The following ZNF37A variants were observed in gnomAD, a reference collection of about 807,000 sequenced individuals.
The protein encoded by ZNF37A is zinc finger protein 37A.
A neutral mutation model predicts 12.3 loss-of-function variants in ZNF37A; 10 were observed. The observed-to-expected ratio is 0.82, with a 90% CI of 0.50 to 1.38. The LOEUF (loss-of-function observed/expected upper bound fraction) is 1.38. Ranked by LOEUF, ZNF37A falls within the 40% of genes most tolerant of loss-of-function variation. The pLI is 0.00. For synonymous variants in ZNF37A, 207 were observed against 223.0 expected, an observed-to-expected ratio of 0.93 and a Z score of 0.64; for missense variants, 580 against 651.2, an observed-to-expected ratio of 0.89 and a Z score of 1.19.
intron 5 of ZNF37A, among the ~76,000 whole-genome samples, chr10:38,106,041 AG>A (rs1564921808): frequency 6.6e-6 from 1 of 152,108 alleles, no homozygotes; most frequent in South Asian, 2.1e-4. Flanking sequence ...GTGGTGTGAA[AG>A]CACTATCATT....
intron 7 of ZNF37A, among the ~76,000 whole-genome samples, chr10:38,133,706 G>C (rs961729866): frequency 3.0e-4 from 45 of 152,190 alleles, no homozygotes; most frequent in Admixed American, 9.2e-4. Context: ...TCTTAACCCA[G>C]TCTATCATTG....
intron 7 of ZNF37A, among the ~76,000 whole-genome samples, chr10:38,135,940 CAT>C (rs2070101991): frequency 6.6e-6 from 1 of 152,132 alleles, no homozygotes; most frequent in Admixed American, 6.5e-5. Flanking sequence ...ACAGCCAAAC[CAT>C]ATCAGAGGCT....
rs948823011 is a variant in ZNF37A at position 38,123,127 on chromosome 10, CAA to C, written c.*4292_*4293del. 2 of 150,780 alleles carry C rather than the reference CAA, an allele frequency of 1.3e-5. No individual in the cohort carries two copies. Among genetic ancestry groups the C allele is most frequent in the African/African-American group, 4.9e-5 (2 of 40,740 alleles). 9.3% of individuals were successfully genotyped at this position (150,780 alleles called of 1,614,324 possible). A position where few individuals can be genotyped will look rare whatever the true frequency, so the allele number is the denominator to read the frequency against. On this transcript the variant is annotated 3_prime_UTR_variant, in exon 8 of 8. Transcript: ENST00000685332. The stretch of plus-strand genomic sequence containing the variant: ...AGTATCTCACATGGCAGGTGCAGGG[CAA>C]AGAGAGGGGGGAAGGGAAGTGCCAC...
At chr10:38,146,385 G>GT (rs2070254500) in intron 7 of ZNF37A, among the ~76,000 whole-genome samples, 1 of 152,136 alleles carries the variant, frequency 6.6e-6, no homozygotes, top group Admixed American at 6.5e-5. Flanking sequence ...GGGATTACAG[G>GT]TGTGACCACC....
chr10:38,108,546 C>G (rs1203547851), intron 5 of ZNF37A, among the ~76,000 whole-genome samples: 1 of 152,098 alleles, frequency 6.6e-6, no homozygotes, highest in African/African-American at 2.4e-5. Flanking sequence ...ATCAATGAAT[C>G]CAGGAGCTGG....
At position 38,119,582 on chromosome 10, in the gene ZNF37A, T is replaced by C. The variant is rs2136044180; in HGVS notation, c.*745T>C. On this transcript the variant is annotated 3_prime_UTR_variant, in exon 8 of 8. Transcript: ENST00000685332. Reference sequence around the variant, plus strand: ...GCAATTTAAGAAAATGTGGAAAAAATATTTTTATTGAGAAATAGCATTTTA... The same window carrying C: ...GCAATTTAAGAAAATGTGGAAAAAACATTTTTATTGAGAAATAGCATTTTA... 4.9e-6 allele frequency: 1 copy of C among 203,808 alleles called. No homozygotes were observed. Among genetic ancestry groups the C allele is most frequent in the South Asian group, 1.7e-4 (1 of 5,768 alleles). The allele number at this position is 203,808 out of a possible 1,614,324, so 12.6% of individuals were successfully genotyped here.
chr10:38,136,999 T>C (rs1167081141), intron 7 of ZNF37A, among the ~76,000 whole-genome samples: 1 of 152,204 alleles, frequency 6.6e-6, no homozygotes, highest in African/African-American at 2.4e-5. Context: ...TTTATAATTT[T>C]ATATCCTTTT....
At chr10:38,100,329 C>G (rs973544724) in intron 5 of ZNF37A, among the ~76,000 whole-genome samples, 2 of 152,068 alleles carry the variant, frequency 1.3e-5, no homozygotes, top group East Asian at 1.9e-4. Context: ...TGAGAGCAAC[C>G]GGTCTGACCA....
chr10:38,148,191 A>G (rs1405978480), exon 8 of ZNF37A: 1 of 152,222 alleles, frequency 6.6e-6, no homozygotes, highest in Admixed American at 6.5e-5. Context: ...TGGTTTATCT[A>G]CACTAAACCT....
At chr10:38,098,697 G>C (rs1430517301) in intron 5 of ZNF37A, among the ~76,000 whole-genome samples, 1 of 152,054 alleles carries the variant, frequency 6.6e-6, no homozygotes, top group Non-Finnish European at 1.5e-5. Flanking sequence ...ATGAAATTCA[G>C]ACTTCAGTGT....
At chr10:38,146,617 T>A (rs2070258629) in intron 7 of ZNF37A, 1 of 391,198 alleles carries the variant, frequency 2.6e-6, no homozygotes, top group East Asian at 3.6e-5. Context: ...TAAAAATAAA[T>A]GCAGTAGATC....
rs755993932 is a variant in ZNF37A at position 38,118,352 on chromosome 10, C to CA, written c.1202dup (p.His401GlnfsTer8). The stretch of plus-strand genomic sequence containing the variant: ...TCTCAGAAAATCAGACCTCATTAAA[C>CA]ATCAAAGAATACACACAGGTGAAAA... On this transcript the variant is annotated frameshift_variant, in exon 8 of 8. Transcript: ENST00000685332. LOFTEE classifies it low-confidence loss of function (END_TRUNC). 19 of 1,613,684 alleles carry CA rather than the reference C, an allele frequency of 1.2e-5. No individual in the cohort carries two copies. The highest frequency in any genetic ancestry group is 7.7e-5 in the South Asian group (7 of 91,080).
At chr10:38,140,426 G>A (rs541643865) in intron 7 of ZNF37A, 7 of 152,300 alleles carry the variant, frequency 4.6e-5, no homozygotes, top group Non-Finnish European at 7.3e-5. Flanking sequence ...ATGTGAGCTA[G>A]ATTCCTCACT....
chr10:38,141,268 G>A (rs1259382960), intron 7 of ZNF37A: 1 of 152,154 alleles, frequency 6.6e-6, no homozygotes, highest in Non-Finnish European at 1.5e-5. Context: ...GAGGATGGAA[G>A]GGAAAAATAA....
chr10:38,128,417 G>A (rs2069959857), downstream of ZNF37A, among the ~76,000 whole-genome samples: 1 of 152,054 alleles, frequency 6.6e-6, no homozygotes, highest in Non-Finnish European at 1.5e-5. Flanking sequence ...CTCAATAGAA[G>A]CAATCTCAAT....
intron 5 of ZNF37A, among the ~76,000 whole-genome samples, chr10:38,113,205 A>ATTTTTTTTTTTTTTTT (rs71007697): frequency 1.3e-5 from 1 of 75,850 alleles, no homozygotes; most frequent in Non-Finnish European, 2.4e-5. Flanking sequence ...TTAGTCTGTG[A>ATTTTTTTTTTTTTTTT]TTTTTTTTTT....
chr10:38,112,773 T>C (rs555929157), intron 5 of ZNF37A, among the ~76,000 whole-genome samples: 2,969 of 65,554 alleles, frequency 0.045, 349 homozygotes, highest in African/African-American at 0.062. Flanking sequence ...TTCTTTTCTT[T>C]TCTTTTCTTT....
chr10:38,116,659 T>C (rs1198677513), intron 7 of ZNF37A, among the ~76,000 whole-genome samples: 1 of 152,204 alleles, frequency 6.6e-6, no homozygotes, highest in Non-Finnish European at 1.5e-5. Flanking sequence ...TCTTGGGACA[T>C]TGGACTCAGT....
rs576279002 is a variant in ZNF37A at position 38,103,132 on chromosome 10, C to CG, written c.15+6500_15+6501insG. ...TTGTTTCTTCAGATATTTTTTGGTT[C>CG]CCTTTTCTCCTCTTCGTTAGTAACT... is the stretch of plus-strand genomic sequence containing the variant. On this transcript the variant is annotated intron_variant, in intron 5 of 7. Transcript: ENST00000685332. Among the ~76,000 whole-genome samples, 163 of 152,110 alleles carry CG rather than the reference C, an allele frequency of 1.1e-3. 5 individuals are homozygous for CG. In the South Asian group the frequency reaches 0.033, roughly 31 times the overall value.
Sources: gnomAD v4.1 joint callset for allele counts (sites outside exome capture counted in the v4.1 genomes callset) on GRCh38, gnomAD v4.1.1 for gene constraint, MANE v1.5 for transcripts, NCBI Gene and HGNC (gene_info 2026-07-23, HGNC 2026-07-21) for gene names.